Variants in NOX4 observed in about 807,000 individuals in gnomAD.
NOX4 encodes the protein NADPH oxidase 4, also known as kidney oxidase-1.
A neutral mutation model predicts 87.6 loss-of-function variants in NOX4; 69 were observed. The observed-to-expected ratio is 0.79, with a 90% CI of 0.65 to 0.96. The LOEUF (loss-of-function observed/expected upper bound fraction) is 0.96. NOX4 is among the 40% of genes least tolerant of loss of function. NOX4 has a pLI of 0.00. For synonymous variants in NOX4, 275 were observed against 238.2 expected (o/e 1.15, Z -1.42); for missense variants, 680 against 681.5 (o/e 1.00, Z 0.02).
chr11:89,405,869 T>C (rs74356100), intron 8 of NOX4, among the ~76,000 whole-genome samples: 3,574 of 152,128 alleles, frequency 0.023, 133 homozygotes, highest in African/African-American at 0.082. Flanking sequence ...CCAGTTAGTC[T>C]GATTCCAAAG....
At chr11:89,366,622 A>G (rs1939011665) in intron 12 of NOX4, among the ~76,000 whole-genome samples, 1 of 151,728 alleles carries the variant, frequency 6.6e-6, no homozygotes, top group Non-Finnish European at 1.5e-5. Context: ...TGGAAGGTCA[A>G]GGCTGCAGTG....
the NOX4 span, among the ~76,000 whole-genome samples, chr11:89,519,178 C>T: frequency 6.6e-6 from 1 of 151,982 alleles, no homozygotes; most frequent in African/African-American, 2.4e-5. Context: ...ATGTTTGAAG[C>T]AAATGAAAAG....
intron 6 of NOX4, among the ~76,000 whole-genome samples, chr11:89,438,821 TATA>T (rs1944273921): frequency 4.6e-5 from 2 of 43,766 alleles, no homozygotes; most frequent in Non-Finnish European, 6.4e-5. Context: ...ATATATATTA[TATA>T]ATATCTTATA....
chr11:89,393,445 A>G (rs1243106805), intron 11 of NOX4, among the ~76,000 whole-genome samples: 1 of 152,034 alleles, frequency 6.6e-6, no homozygotes, highest in Middle Eastern at 3.2e-3. Flanking sequence ...AAGGAAAAAA[A>G]AAATCAAATC....
At chr11:89,494,855 C>T (rs1398022110), upstream of NOX4, among the ~76,000 whole-genome samples, 1 of 152,170 alleles carries the variant, frequency 6.6e-6, no homozygotes, top group Admixed American at 6.5e-5. Flanking sequence ...GCTAAAACAA[C>T]AGAAATTTAT....
chr11:89,479,789 T>G (rs1053306920), intron 2 of NOX4, among the ~76,000 whole-genome samples: 1 of 152,216 alleles, frequency 6.6e-6, no homozygotes, highest in Admixed American at 6.5e-5. Context: ...AGTAAACTAC[T>G]TTTCACTAGA....
intron 8 of NOX4, among the ~76,000 whole-genome samples, chr11:89,406,478 C>T (rs1942190555): frequency 6.6e-6 from 1 of 152,116 alleles, no homozygotes; most frequent in African/African-American, 2.4e-5. Context: ...ACTGCCCCTG[C>T]TTCTTGCCCC....
chr11:89,438,824 A>AT (rs1565293400), intron 6 of NOX4, among the ~76,000 whole-genome samples: 105 of 47,998 alleles, frequency 2.2e-3, no homozygotes, highest in African/African-American at 0.02. Context: ...TATATTATAT[A>AT]ATATCTTATA....
At position 89,444,135 on chromosome 11, in the gene NOX4, C is replaced by G; in HGVS notation, c.447G>C (p.Glu149Asp). ...AAATGGGAAGACAGAGACCACCCAC[C>G]TCATCTCGGTATCTTGCTGCATTCA... ...VELNAARYRD[E>D]DPRKLLFTTV... The change falls in exon 5 of 18, where the codon GAG becomes GAC. Residue 149 changes from glutamate to aspartate, a missense_variant and splice_region_variant. Transcript: ENST00000263317. The G allele has an allele frequency of 1.2e-6, 2 of 1,612,818 alleles. No individual in the cohort carries two copies. Among genetic ancestry groups the G allele is most frequent in the South Asian group, 1.1e-5 (1 of 91,016 alleles).
At chr11:89,382,097 TC>T (rs1940331105) in intron 11 of NOX4, among the ~76,000 whole-genome samples, 1 of 152,106 alleles carries the variant, frequency 6.6e-6, no homozygotes, top group African/African-American at 2.4e-5. Context: ...CCGCAGGGAC[TC>T]CTGCCTTGAT....
upstream of NOX4, among the ~76,000 whole-genome samples, chr11:89,498,341 A>C (rs569825980): frequency 6.6e-6 from 1 of 152,324 alleles, no homozygotes; most frequent in Admixed American, 6.5e-5. Context: ...TATATGATAA[A>C]AATTATATAA....
At chr11:89,567,988 C>A in the NOX4 span, among the ~76,000 whole-genome samples, 1 of 152,138 alleles carries the variant, frequency 6.6e-6, no homozygotes, top group Non-Finnish European at 1.5e-5. Flanking sequence ...TTTCCAGCAC[C>A]CCTTATCAGA....
At chr11:89,584,806 T>G in the NOX4 span, among the ~76,000 whole-genome samples, 1 of 152,140 alleles carries the variant, frequency 6.6e-6, no homozygotes, top group African/African-American at 2.4e-5. Flanking sequence ...TATATTGATA[T>G]ATATTTCTGC....
At chr11:89,364,722 A>G (rs572181341) in intron 12 of NOX4, among the ~76,000 whole-genome samples, 3 of 152,246 alleles carry the variant, frequency 2.0e-5, no homozygotes, top group Admixed American at 2.0e-4. Flanking sequence ...GAACTATACC[A>G]AAATTTATCT....
At position 89,450,079 on chromosome 11, in the gene NOX4, G is replaced by A. The variant is rs778718545; in HGVS notation, c.265-555C>T. 7.2e-5 allele frequency among the ~76,000 whole-genome samples: 11 copies of A among 152,114 alleles called. No homozygotes were observed. The East Asian group carries it at 1.7e-3, about 24-fold the overall frequency. ...ACCTCTGAATCACTGTTTCACACTC[G>A]GGGCAAATCTTTAAGAATGATTAAA... On this transcript the variant is annotated intron_variant, in intron 3 of 17. Coordinates refer to ENST00000263317, the MANE Select transcript of NOX4 (RefSeq NM_016931.5).
chr11:89,457,986 A>G (rs1459500296), intron 2 of NOX4, among the ~76,000 whole-genome samples: 1 of 152,256 alleles, frequency 6.6e-6, no homozygotes, highest in African/African-American at 2.4e-5. Context: ...TACTGGCCAA[A>G]GCAATTTACA....
intron 2 of NOX4, among the ~76,000 whole-genome samples, chr11:89,472,423 T>C (rs1945986440): frequency 6.6e-6 from 1 of 152,108 alleles, no homozygotes; most frequent in Non-Finnish European, 1.5e-5. Context: ...AAAAAAGGTG[T>C]AATTTTTTTT....
At chr11:89,380,471 G>A (rs1172430205) in intron 11 of NOX4, among the ~76,000 whole-genome samples, 1 of 152,052 alleles carries the variant, frequency 6.6e-6, no homozygotes, top group African/African-American at 2.4e-5. Context: ...GAAAGGAACT[G>A]GATTGCTGAG....
At chr11:89,351,208 T>G (rs772260632) in intron 13 of NOX4, among the ~76,000 whole-genome samples, 3 of 152,220 alleles carry the variant, frequency 2.0e-5, no homozygotes, top group Non-Finnish European at 2.9e-5. Context: ...CAACATTCTC[T>G]TCAGCCAAAG....
Sources: gnomAD v4.1 joint callset for allele counts (sites outside exome capture counted in the v4.1 genomes callset) on GRCh38, gnomAD v4.1.1 for gene constraint, MANE v1.5 for transcripts, NCBI Gene and HGNC (gene_info 2026-07-23, HGNC 2026-07-21) for gene names.